Variants in HERC2 observed in about 807,000 individuals in gnomAD.
HERC2 encodes the protein HECT and RLD domain containing E3 ubiquitin protein ligase 2, also known as E3 ubiquitin-protein ligase HERC2.
HERC2 carries 102 observed loss-of-function variants against 537.7 expected under a neutral mutation model. That is an observed-to-expected ratio of 0.19 (90% CI 0.16 to 0.22). HERC2 has a LOEUF of 0.22. HERC2 is among the 10% of genes least tolerant of loss of function. The pLI is 1.00. For synonymous variants in HERC2, 2,224 were observed against 2,466.2 expected (o/e 0.90, Z 2.91); for missense variants, 4,236 against 6,198.2 (o/e 0.68, Z 10.63).
At chr15:28,200,221 A>G (rs1220762861) in intron 48 of HERC2, among the ~76,000 whole-genome samples, 1 of 152,102 alleles carries the variant, frequency 6.6e-6, no homozygotes, top group Non-Finnish European at 1.5e-5. Flanking sequence ...AAATGAAGAA[A>G]CACTGTCTCT....
At chr15:28,312,747 C>T (rs1198942732) in intron 2 of HERC2, 14 of 814,590 alleles carry the variant, frequency 1.7e-5, no homozygotes, top group Non-Finnish European at 2.1e-5. Context: ...GCTGACTTAC[C>T]TAAACGTGCC....
chr15:28,220,658 A>C lies in HERC2; in HGVS notation c.5653-14T>G. 6.2e-7 allele frequency: 1 copy of C among 1,602,382 alleles called. No homozygotes were observed. The highest frequency in any genetic ancestry group is 8.5e-7 in the Non-Finnish European group (1 of 1,179,122). ...AGGAGGCCCATCCTGAGAAAGCCAA[A>C]GTAGAGATCAGTTAGGAGGGTGCGT... is the stretch of plus-strand genomic sequence containing the variant. On this transcript the variant is annotated splice_polypyrimidine_tract_variant and intron_variant, in intron 36 of 92. Coordinates refer to ENST00000261609, the MANE Select transcript of HERC2 (RefSeq NM_004667.6).
At chr15:28,153,767 C>T (rs771418629) in intron 69 of HERC2, among the ~76,000 whole-genome samples, 3 of 152,182 alleles carry the variant, frequency 2.0e-5, no homozygotes, top group Non-Finnish European at 2.9e-5. Context: ...TACACCAAGA[C>T]AAGATTACTT....
intron 83 of HERC2, 130 bp downstream of exon 83, chr15:28,130,033 A>C: frequency 8.8e-7 from 1 of 1,139,406 alleles, no homozygotes; most frequent in Non-Finnish European, 1.3e-6. Flanking sequence ...TCAGCCTCCC[A>C]AAGTGCTGGG....
At position 28,130,243 on chromosome 15, in the gene HERC2, C is replaced by T; in HGVS notation, c.12722G>A (p.Arg4241Gln). ...CTTCCCCTGCAACCCTTGGACCTGC[C>T]GAGGCCTTCGAACATGGTCATCTGA... Reference protein sequence around the residue: ...HGSDDHVRRPRQVQGLQGKKV... With the variant: ...HGSDDHVRRPQQVQGLQGKKV... Residue 4241 changes from arginine (R) to glutamine (Q), a missense_variant, in exon 83 of 93, where the codon CGG (arginine) becomes CAG (glutamine). Around this residue, in one of 27 missense-constraint regions of HERC2, gnomAD observed 189 missense variants for 255.7 expected, o/e 0.74. Transcript: ENST00000261609. 1 of 1,614,150 alleles carries T rather than the reference C, an allele frequency of 6.2e-7. No homozygotes were observed. Among genetic ancestry groups the T allele is most frequent in the Non-Finnish European group, 8.5e-7 (1 of 1,180,030 alleles).
intron 78 of HERC2, among the ~76,000 whole-genome samples, chr15:28,140,441 A>C (rs1465709301): frequency 6.6e-6 from 1 of 152,232 alleles, no homozygotes; most frequent in Non-Finnish European, 1.5e-5. Flanking sequence ...ATCTTCACAT[A>C]TACTAGAATG....
intron 78 of HERC2, 115 bp from the exon 79 acceptor site, chr15:28,135,807 T>C: frequency 1.3e-6 from 1 of 746,572 alleles, no homozygotes. Context: ...GAAATAAAAT[T>C]TAAAGTTAAA....
intron 78 of HERC2, among the ~76,000 whole-genome samples, chr15:28,138,703 A>AT (rs1489190190): frequency 6.6e-6 from 1 of 151,982 alleles, no homozygotes; most frequent in Non-Finnish European, 1.5e-5. Context: ...CTAACACATC[A>AT]TTTTTTCTGC....
At chr15:28,185,316 T>G (rs966680432) in intron 56 of HERC2, among the ~76,000 whole-genome samples, 1 of 152,096 alleles carries the variant, frequency 6.6e-6, no homozygotes, top group African/African-American at 2.4e-5. Flanking sequence ...GCACAGGGTG[T>G]CTTGGTCAAC....
intron 92 of HERC2, among the ~76,000 whole-genome samples, chr15:28,112,340 C>T (rs1395153175): frequency 2.0e-5 from 3 of 152,150 alleles, no homozygotes; most frequent in Admixed American, 6.5e-5. Context: ...CACGTGACCA[C>T]GGGAGAGCTC....
chr15:28,319,041 C>A (rs1377321731), intron 2 of HERC2, among the ~76,000 whole-genome samples: 3 of 150,950 alleles, frequency 2.0e-5, no homozygotes, highest in East Asian at 1.9e-4. Flanking sequence ...AAGGGTAAAA[C>A]CTGTGAGCAC....
intron 21 of HERC2, among the ~76,000 whole-genome samples, chr15:28,247,765 C>T (rs768239143): frequency 4.8e-4 from 73 of 152,246 alleles, no homozygotes; most frequent in Admixed American, 1.2e-3. Flanking sequence ...GTCCTTGTGA[C>T]TTTGTCTTTA....
chr15:28,238,130 A>G lies in HERC2; in HGVS notation c.3836T>C (p.Val1279Ala). ...DTRESMHAFC[V>A]GQYLEPDQEI... ...CAGCCTCACCTCCAAATACTGGCCA[A>G]CACAAAACGCGTGCATGGATTCCCG... is the stretch of plus-strand genomic sequence containing the variant. The change falls in exon 25 of 93, where the codon GTT becomes GCT. Residue 1279 changes from valine to alanine, a missense_variant. This residue lies in a region of HERC2 where 754 missense variants were observed against 1,085.0 expected (regional missense o/e 0.69). Coordinates refer to ENST00000261609, the MANE Select transcript of HERC2 (RefSeq NM_004667.6). 6.2e-7 allele frequency: 1 copy of G among 1,611,768 alleles called. No individual in the cohort carries two copies. The highest frequency in any genetic ancestry group is 8.5e-7 in the Non-Finnish European group (1 of 1,179,634).
chr15:28,305,475 A>G (rs544091862), intron 2 of HERC2, among the ~76,000 whole-genome samples: 274 of 127,338 alleles, frequency 2.2e-3, no homozygotes, highest in African/African-American at 7.2e-3. Context: ...GGCTAGCCAT[A>G]TGTAGAAAGC....
In HERC2 at chr15:28,146,173, G is replaced by C. The variant is rs1891711645; in HGVS notation, c.11008+64C>G. On this transcript the variant is annotated intron_variant, in intron 71 of 92. Coordinates refer to ENST00000261609, the MANE Select transcript of HERC2 (RefSeq NM_004667.6). ...AGGCAGCATTCTGTCCTACAAATGTGAAGGGTTGTGTCTACGGAGACACAG... is the reference window on the plus strand; with the variant it reads ...AGGCAGCATTCTGTCCTACAAATGTCAAGGGTTGTGTCTACGGAGACACAG... The C allele has an allele frequency of 4.6e-6, 5 of 1,088,322 alleles. No homozygotes were observed. The South Asian group carries it at 6.4e-5, about 14-fold the overall frequency. 67.4% of individuals were successfully genotyped at this position (1,088,322 alleles called of 1,614,324 possible).
chr15:28,153,059 A>C (rs1342145433), intron 69 of HERC2, among the ~76,000 whole-genome samples: 1 of 152,254 alleles, frequency 6.6e-6, no homozygotes, highest in Non-Finnish European at 1.5e-5. Flanking sequence ...GATCTATGTT[A>C]AAAAGTCGTT....
At chr15:28,166,558 C>T (rs1282754838) in intron 68 of HERC2, among the ~76,000 whole-genome samples, 4 of 152,176 alleles carry the variant, frequency 2.6e-5, no homozygotes, top group African/African-American at 9.7e-5. Context: ...GGAACCATGG[C>T]TTCTTGAAGA....
intron 3 of HERC2, among the ~76,000 whole-genome samples, chr15:28,295,301 ATG>A (rs1491115827): frequency 6.0e-5 from 1 of 16,700 alleles, no homozygotes; most frequent in Admixed American, 1.3e-3. Context: ...TCTGTCCTAC[ATG>A]TGTGTGGGGG....
intron 35 of HERC2, among the ~76,000 whole-genome samples, chr15:28,224,376 T>C (rs1900881522): frequency 6.6e-6 from 1 of 151,992 alleles, no homozygotes; most frequent in African/African-American, 2.4e-5. Flanking sequence ...CACACACCAC[T>C]ATGCCCAGCT....
Sources: allele counts gnomAD v4.1 joint callset (sites outside exome capture counted in the v4.1 genomes callset), GRCh38; gene constraint gnomAD v4.1.1; regional missense constraint gnomAD v4.1.1; transcripts MANE v1.5; gene names NCBI Gene and HGNC (gene_info 2026-07-23, HGNC 2026-07-21).